KCNAB2: variants seen among roughly 807,000 people sequenced by gnomAD.
KCNAB2 encodes the protein voltage-gated potassium channel subunit beta-2.
Under a neutral mutation model 63.6 loss-of-function variants are expected in KCNAB2, and 29 were observed. The observed-to-expected ratio is 0.46, with a 90% CI of 0.34 to 0.62. KCNAB2 has a LOEUF of 0.62. KCNAB2 is among the 20% of genes least tolerant of loss of function. KCNAB2 has a pLI of 0.01. For synonymous variants in KCNAB2, 222 were observed against 224.2 expected, an observed-to-expected ratio of 0.99 and a Z score of 0.09; for missense variants, 359 against 563.9, an observed-to-expected ratio of 0.64 and a Z score of 3.68.
chr1:6,013,789 C>T (rs369725299), intron 1 of KCNAB2, among the ~76,000 whole-genome samples: 15 of 151,882 alleles, frequency 9.9e-5, no homozygotes, highest in African/African-American at 2.2e-4. Context: ...AGACTCCTGA[C>T]GACACCCACC....
chr1:6,015,016 CTTTTTTTTTTTT>C (rs34742623), intron 1 of KCNAB2, among the ~76,000 whole-genome samples: 6 of 82,786 alleles, frequency 7.2e-5, no homozygotes, highest in African/African-American at 2.6e-4. Context: ...GGTCACCTTC[CTTTTTTTTTTTT>C]TTTTTTTTTT....
Position 6,027,838 on chromosome 1 carries a change from G to A in KCNAB2, c.-52-12679G>A, listed in dbSNP as rs531502940. Among the ~76,000 whole-genome samples the A allele has an allele frequency of 2.6e-5, 4 of 152,288 alleles. No individual in the cohort carries two copies. In the South Asian group the frequency reaches 6.2e-4, roughly 24 times the overall value. Reference sequence around the variant, plus strand: ...CTGTCGCCGTGCCACTGGTCCCCTCGGCTCAGGCCTCAGGAGATTGGAGGA... The same window carrying A: ...CTGTCGCCGTGCCACTGGTCCCCTCAGCTCAGGCCTCAGGAGATTGGAGGA... On this transcript the variant is annotated intron_variant, in intron 1 of 16. Coordinates refer to the KCNAB2 transcript ENST00000341524.
chr1:6,029,350 G>A (rs1437778986), upstream of KCNAB2, among the ~76,000 whole-genome samples: 1 of 151,780 alleles, frequency 6.6e-6, no homozygotes, highest in Non-Finnish European at 1.5e-5. Context: ...CCTCCTGACA[G>A]CCAAGGAGAC....
chr1:6,036,915 C>T (rs959294114), intron 1 of KCNAB2, among the ~76,000 whole-genome samples: 20 of 152,204 alleles, frequency 1.3e-4, no homozygotes, highest in African/African-American at 4.3e-4. Flanking sequence ...ATAATTTAGG[C>T]TTTGCCAGCC....
intron 1 of KCNAB2, among the ~76,000 whole-genome samples, chr1:5,993,998 A>C (rs1268547204): frequency 6.6e-6 from 1 of 152,098 alleles, no homozygotes; most frequent in East Asian, 1.9e-4. Context: ...CCCTGTGTTG[A>C]ACTGTGTCCA....
rs542027074 is a variant in KCNAB2 at position 6,010,157 on chromosome 1, G to A, written c.-53+17369G>A. Among the ~76,000 whole-genome samples, 18 of 152,292 alleles carry A rather than the reference G, an allele frequency of 1.2e-4. No individual in the cohort carries two copies. The South Asian group carries it at 1.4e-3, about 12-fold the overall frequency. The stretch of plus-strand genomic sequence containing the variant: ...CTCCCAAAGTGCTGGCATTACAGGT[G>A]TGAGCCACCGTGTCCAGTCATATGT... On this transcript the variant is annotated intron_variant, in intron 1 of 16. Coordinates refer to the KCNAB2 transcript ENST00000341524.
chr1:6,026,805 G>T (rs1659216876), intron 1 of KCNAB2, among the ~76,000 whole-genome samples: 1 of 152,226 alleles, frequency 6.6e-6, no homozygotes, highest in Non-Finnish European at 1.5e-5. Context: ...AGCCATGTGG[G>T]GCCACCTCTG....
intron 8 of KCNAB2, among the ~76,000 whole-genome samples, chr1:6,090,168 G>A (rs1026653395): frequency 1.3e-5 from 2 of 152,210 alleles, no homozygotes; most frequent in African/African-American, 4.8e-5. Flanking sequence ...CGTGGCCTGT[G>A]GTCCCCCGAT....
rs1365846458 is a variant in KCNAB2, at chr1:6,074,378, C to G, written c.300+608C>G. On this transcript the variant is annotated intron_variant, in intron 4 of 15. Transcript: ENST00000378083. This position sits in a 1 kb window ranked among gnomAD's most constrained non-coding sequence, Gnocchi z 4.9. ...TTGTATGCCGCCAGCGCCTCTGGGT[C>G]TCTCGGAAGGACAGGGACGGCACAC... Among the ~76,000 whole-genome samples the G allele has an allele frequency of 6.6e-6, 1 of 152,222 alleles. No homozygotes were observed. Among genetic ancestry groups the G allele is most frequent in the Non-Finnish European group, 1.5e-5 (1 of 68,044 alleles).
intron 13 of KCNAB2, among the ~76,000 whole-genome samples, chr1:6,095,913 T>TCCCCCACCTCTGC (rs1665592834): frequency 1.4e-5 from 1 of 69,312 alleles, no homozygotes; most frequent in African/African-American, 5.9e-5. Context: ...CCCTACCACA[T>TCCCCCACCTCTGC]CCCCCACCTC....
Position 6,073,893 on chromosome 1 carries a change from T to A in KCNAB2, c.300+123T>A. On this transcript the variant is annotated intron_variant, in intron 4 of 15. Coordinates refer to ENST00000378083, the MANE Select transcript of KCNAB2 (RefSeq NM_001199862.2). This position sits in a 1 kb window ranked among gnomAD's most constrained non-coding sequence, Gnocchi z 5.7. ...GAGCCAGCGCAGCAGCCTCCCTCCCTCTTTCTGTTTTGTGAGGGCGCCCTG... is the reference window on the plus strand; with the variant it reads ...GAGCCAGCGCAGCAGCCTCCCTCCCACTTTCTGTTTTGTGAGGGCGCCCTG... The A allele has an allele frequency of 9.7e-7, 1 of 1,029,018 alleles. No individual in the cohort carries two copies. Among genetic ancestry groups the A allele is most frequent in the South Asian group, 1.3e-5 (1 of 75,752 alleles). The allele number at this position is 1,029,018 out of a possible 1,614,324, so 63.7% of individuals were successfully genotyped here.
intron 1 of KCNAB2, among the ~76,000 whole-genome samples, chr1:6,015,111 A>G (rs1173993497): frequency 2.2e-5 from 3 of 138,848 alleles, no homozygotes; most frequent in Admixed American, 1.7e-4. Context: ...AGCTCACCAC[A>G]ACTTCCACCT....
chr1:6,052,627 CTGCTAGCCACCGT>C (rs1200605740), intron 2 of KCNAB2, among the ~76,000 whole-genome samples: 1 of 152,124 alleles, frequency 6.6e-6, no homozygotes. Context: ...GGACAGCGCT[CTGCTAGCCACCGT>C]TCTCTGGCTG....
At chr1:6,091,400 G>T in intron 10 of KCNAB2, 93 bp downstream of exon 10, 1 of 938,270 alleles carries the variant, frequency 1.1e-6, no homozygotes, top group South Asian at 1.5e-5. Flanking sequence ...TTTACCCCAT[G>T]AGAAACTTCT....
chr1:6,046,106 A>G lies in KCNAB2; in HGVS notation c.-104A>G, dbSNP rs560957962. ...TCCCTAATGAAAAAGCCGCTGTGCC[A>G]GATCCTTAGAGTGTCTGGTGATCCC... On this transcript the variant is annotated 5_prime_UTR_variant, in exon 1 of 16. Coordinates refer to ENST00000378083, the MANE Select transcript of KCNAB2 (RefSeq NM_001199862.2). 6 of 985,472 alleles carry G rather than the reference A, an allele frequency of 6.1e-6. No individual in the cohort carries two copies. Among genetic ancestry groups the G allele is most frequent in the Non-Finnish European group, 7.2e-6 (6 of 829,920 alleles). The allele number at this position is 985,472 out of a possible 1,614,324, so 61.0% of individuals were successfully genotyped here.
At chr1:6,032,345 C>T (rs1000771539), upstream of KCNAB2, among the ~76,000 whole-genome samples, 1 of 152,118 alleles carries the variant, frequency 6.6e-6, no homozygotes, top group Non-Finnish European at 1.5e-5. Context: ...CTTTGGGAGG[C>T]CAAGGCAGGC....
chr1:6,061,126 C>T (rs942017757), intron 2 of KCNAB2, among the ~76,000 whole-genome samples: 5 of 152,246 alleles, frequency 3.3e-5, no homozygotes, highest in African/African-American at 1.2e-4. Context: ...AGCAGGGATG[C>T]TGTCTGTGGT....
chr1:6,014,129 A>C (rs1320316110), intron 1 of KCNAB2, among the ~76,000 whole-genome samples: 1 of 152,222 alleles, frequency 6.6e-6, no homozygotes, highest in African/African-American at 2.4e-5. Flanking sequence ...CCTCATTCAG[A>C]CTGCACTGGG....
In KCNAB2 at chr1:6,028,742, G is replaced by A. The variant is rs1051172852; in HGVS notation, c.-52-11775G>A. Among the ~76,000 whole-genome samples the A allele has an allele frequency of 6.6e-6, 1 of 152,202 alleles. No homozygotes were observed. Among genetic ancestry groups the A allele is most frequent in the South Asian group, 2.1e-4 (1 of 4,834 alleles). On this transcript the variant is annotated intron_variant, in intron 1 of 16. Transcript: ENST00000341524. This position sits in a 1 kb window ranked among gnomAD's most constrained non-coding sequence, Gnocchi z 4.0. ...TTGGTGTTGCTCCACTGACCTCCAG[G>A]ATGGCCTCCAGGGACCCCGCCTCCT...
Sources: gnomAD v4.1 joint callset for allele counts (sites outside exome capture counted in the v4.1 genomes callset) on GRCh38, gnomAD v4.1.1 for gene constraint, Gnocchi (gnomAD v3.1) non-coding constraint, MANE v1.5 for transcripts, NCBI Gene and HGNC (gene_info 2026-07-23, HGNC 2026-07-21) for gene names.